Variants in ADAMTS12 observed in about 807,000 individuals in gnomAD.
The protein encoded by ADAMTS12 is ADAM metallopeptidase with thrombospondin type 1 motif 12, also known as A disintegrin and metalloproteinase with thrombospondin motifs 12.
A neutral mutation model predicts 167.8 loss-of-function variants in ADAMTS12; 118 were observed. The observed-to-expected ratio is 0.70, with a 90% CI of 0.61 to 0.82. The LOEUF is 0.82. Ranked by LOEUF, ADAMTS12 falls within the 40% of genes least tolerant of loss-of-function variation. The pLI is 0.00. For synonymous variants in ADAMTS12, 704 were observed against 716.9 expected (o/e 0.98, Z 0.29); for missense variants, 1,916 against 1,998.8 (o/e 0.96, Z 0.79).
chr5:33,845,537 C>T (rs1309144356), intron 2 of ADAMTS12, among the ~76,000 whole-genome samples: 1 of 152,060 alleles, frequency 6.6e-6, no homozygotes, highest in Non-Finnish European at 1.5e-5. Context: ...CAGACATAAG[C>T]ATAAGACCAT....
At chr5:33,774,566 A>T in intron 2 of ADAMTS12, among the ~76,000 whole-genome samples, 1 of 152,196 alleles carries the variant, frequency 6.6e-6, no homozygotes, top group Non-Finnish European at 1.5e-5. Context: ...TATTCCAATT[A>T]CCCTTGACCT....
chr5:33,795,607 G>C (rs1746742859), intron 2 of ADAMTS12, among the ~76,000 whole-genome samples: 1 of 152,202 alleles, frequency 6.6e-6, no homozygotes, highest in African/African-American at 2.4e-5. Context: ...CCTCAGAGGA[G>C]CGGTGGTGAA....
rs372473857 is a variant in ADAMTS12, at chr5:33,569,794, C to T, written c.3972+6260G>A. 2.7e-3 allele frequency among the ~76,000 whole-genome samples: 406 copies of T among 152,314 alleles called. 4 individuals carry two copies. Among genetic ancestry groups the T allele is most frequent in the African/African-American group, 8.6e-3 (359 of 41,556 alleles). ...AAGAAGGCTTCAGACGATCAAACTA[C>T]TCTGAGCTACAGGAGGAAATTCAAA... On this transcript the variant is annotated intron_variant, in intron 19 of 23. Transcript: ENST00000504830.
At chr5:33,726,551 T>C (rs532855430) in intron 3 of ADAMTS12, among the ~76,000 whole-genome samples, 115 of 152,324 alleles carry the variant, frequency 7.5e-4, no homozygotes, top group Non-Finnish European at 1.1e-3. Context: ...AGGACATTTA[T>C]GGACAGAAAA....
chr5:33,831,155 T>C (rs1748284732), intron 2 of ADAMTS12, among the ~76,000 whole-genome samples: 2 of 152,326 alleles, frequency 1.3e-5, no homozygotes, highest in South Asian at 2.1e-4. Context: ...GAATATTTAC[T>C]ATGTAAGGCA....
chr5:33,761,459 A>G (rs1197852888), intron 2 of ADAMTS12, among the ~76,000 whole-genome samples: 1 of 152,218 alleles, frequency 6.6e-6, no homozygotes, highest in Non-Finnish European at 1.5e-5. Context: ...GACATAGGCT[A>G]ATCAGGAGGA....
chr5:33,540,121 C>T (rs1471783312), intron 22 of ADAMTS12, among the ~76,000 whole-genome samples: 2 of 152,262 alleles, frequency 1.3e-5, no homozygotes, highest in African/African-American at 4.8e-5. Context: ...GCACTTTTCC[C>T]AAGGTCTTAG....
At chr5:33,872,123 C>CAAAAA (rs1750059327) in intron 2 of ADAMTS12, among the ~76,000 whole-genome samples, 1 of 152,066 alleles carries the variant, frequency 6.6e-6, no homozygotes, top group Non-Finnish European at 1.5e-5. Flanking sequence ...TGAACTCTAC[C>CAAAAA]AAATATTTAA....
chr5:33,597,430 T>A (rs4279343), intron 16 of ADAMTS12, among the ~76,000 whole-genome samples: 1 of 151,918 alleles, frequency 6.6e-6, no homozygotes, highest in Non-Finnish European at 1.5e-5. Context: ...AACTCCAGAA[T>A]TGGAAAGGCC....
intron 2 of ADAMTS12, among the ~76,000 whole-genome samples, chr5:33,832,328 G>A (rs1423300): frequency 0.46 from 69,175 of 152,012 alleles, 19,243 homozygotes; most frequent in African/African-American, 0.77. Flanking sequence ...CATTTGTACT[G>A]TATGAACAGG....
intron 2 of ADAMTS12, among the ~76,000 whole-genome samples, chr5:33,781,259 G>GTGTA (rs1561268268): frequency 6.6e-6 from 1 of 151,030 alleles, no homozygotes; most frequent in African/African-American, 2.4e-5. Flanking sequence ...GTGTGTGTGT[G>GTGTA]TATATATATA....
chr5:33,614,776 A>C (rs1738904258), intron 15 of ADAMTS12, among the ~76,000 whole-genome samples: 1 of 152,216 alleles, frequency 6.6e-6, no homozygotes, highest in Non-Finnish European at 1.5e-5. Flanking sequence ...AATATAGGTA[A>C]GTGCCACAGT....
chr5:33,535,658 A>C (rs1012661469), intron 22 of ADAMTS12, among the ~76,000 whole-genome samples: 12 of 152,186 alleles, frequency 7.9e-5, no homozygotes, highest in African/African-American at 2.7e-4. Context: ...GGAGTGAAAC[A>C]TATGGAGGGA....
At chr5:33,830,878 A>G (rs1002414103) in intron 2 of ADAMTS12, among the ~76,000 whole-genome samples, 3 of 152,228 alleles carry the variant, frequency 2.0e-5, no homozygotes, top group Non-Finnish European at 2.9e-5. Context: ...GGATATATAC[A>G]TAAGTTAAAC....
intron 19 of ADAMTS12, among the ~76,000 whole-genome samples, chr5:33,565,775 T>A (rs1360261088): frequency 1.3e-5 from 2 of 152,046 alleles, no homozygotes; most frequent in African/African-American, 4.8e-5. Flanking sequence ...ATTCTTTGTA[T>A]CTTGATTTAC....
At chr5:33,882,175 C>T (rs548808242) in intron 1 of ADAMTS12, among the ~76,000 whole-genome samples, 17 of 152,250 alleles carry the variant, frequency 1.1e-4, no homozygotes, top group African/African-American at 4.1e-4. Context: ...ACATCAAGAA[C>T]TTCCTGATAA....
intron 2 of ADAMTS12, among the ~76,000 whole-genome samples, chr5:33,774,099 T>C (rs1745834809): frequency 6.6e-6 from 1 of 152,168 alleles, no homozygotes; most frequent in African/African-American, 2.4e-5. Flanking sequence ...CACCAACCAG[T>C]ATATTAGACT....
intron 7 of ADAMTS12, among the ~76,000 whole-genome samples, chr5:33,656,210 T>C (rs1741055946): frequency 6.6e-6 from 1 of 152,180 alleles, no homozygotes; most frequent in African/African-American, 2.4e-5. Context: ...GTGATTCAGG[T>C]AGTGACTCAG....
chr5:33,610,143 T>A lies in ADAMTS12; in HGVS notation c.2527+4095A>T, dbSNP rs538973461. On this transcript the variant is annotated intron_variant, in intron 16 of 23. Transcript: ENST00000504830. ...TTGCGGTGAGCCGAGATTGAGCCAT[T>A]GTGCTCCAGCCTGTTCAACAAGAAT... 2.4e-4 allele frequency among the ~76,000 whole-genome samples: 36 copies of A among 152,306 alleles called. 2 individuals carry two copies. In the Middle Eastern group the frequency reaches 0.017, roughly 72 times the overall value.
Sources: allele counts gnomAD v4.1 joint callset (sites outside exome capture counted in the v4.1 genomes callset), GRCh38; gene constraint gnomAD v4.1.1; transcripts MANE v1.5; gene names NCBI Gene and HGNC (gene_info 2026-07-23, HGNC 2026-07-21).